POFUT1: variants seen among roughly 807,000 people sequenced by gnomAD.
POFUT1 encodes GDP-fucose protein O-fucosyltransferase 1.
A neutral mutation model predicts 42.4 loss-of-function variants in POFUT1; 16 were observed. That is an observed-to-expected ratio of 0.38 (90% CI 0.26 to 0.57). The LOEUF is 0.57. Among genes scored for constraint, POFUT1 ranks in the 20% least tolerant of loss-of-function variants. The pLI is 0.71. For missense variants in POFUT1, 470 were observed against 504.6 expected (o/e 0.93, Z 0.66); for synonymous variants, 206 against 205.4 (o/e 1.00, Z -0.03).
At position 32,237,614 on chromosome 20, in the gene POFUT1, C is replaced by T. The variant is rs770927967; in HGVS notation, c.*2953C>T. 11 of 307,422 alleles carry T rather than the reference C, an allele frequency of 3.6e-5. No homozygotes were observed. Among genetic ancestry groups the T allele is most frequent in the Admixed American group, 2.0e-4 (5 of 25,450 alleles). 19.0% of individuals were successfully genotyped at this position (307,422 alleles called of 1,614,324 possible). On this transcript the variant is annotated 3_prime_UTR_variant, in exon 7 of 7. Transcript: ENST00000375749. ...GCTGACATTCTGCAGCCTGGACGGCCATGGCAGGAAGCTTTTAGTTGGAGA... is the reference window on the plus strand; with the variant it reads ...GCTGACATTCTGCAGCCTGGACGGCTATGGCAGGAAGCTTTTAGTTGGAGA...
intron 3 of POFUT1, among the ~76,000 whole-genome samples, chr20:32,216,191 A>G (rs962325004): frequency 6.6e-6 from 1 of 152,230 alleles, no homozygotes; most frequent in Non-Finnish European, 1.5e-5. Flanking sequence ...CACAGCCCCA[A>G]CAGTGCCCTT....
chr20:32,216,370 A>G (rs2047360134), intron 3 of POFUT1, among the ~76,000 whole-genome samples: 1 of 152,240 alleles, frequency 6.6e-6, no homozygotes, highest in Non-Finnish European at 1.5e-5. Context: ...CTGCTGGGTC[A>G]GCAGGATGTG....
intron 4 of POFUT1, chr20:32,217,733 T>C (rs1319230715): frequency 3.0e-6 from 3 of 985,286 alleles, no homozygotes; most frequent in Non-Finnish European, 3.6e-6. Context: ...GTCAGTGTTA[T>C]TACTCACATG....
intron 4 of POFUT1, chr20:32,217,159 T>TA (rs2047366472): frequency 1.3e-6 from 2 of 1,528,106 alleles, no homozygotes; most frequent in East Asian, 4.6e-5. Context: ...CCCCTGTTTT[T>TA]AAAAAATATA....
At position 32,230,928 on chromosome 20, in the gene POFUT1, T is replaced by C. The variant is rs749000411; in HGVS notation, c.845T>C (p.Met282Thr). The change falls in exon 6 of 7, where the codon ATG becomes ACG. Residue 282 changes from methionine (M) to threonine (T), a missense_variant. Coordinates refer to ENST00000375749, the MANE Select transcript of POFUT1 (RefSeq NM_015352.2). ...RSTAAPLTMT[M>T]CLPDLKEIQR... ...ACAGCGGCCCCCCTCACGATGACTA[T>C]GTGCCTGCCTGACCTGAAGGAGATC... is the stretch of plus-strand genomic sequence containing the variant. 2 of 1,614,102 alleles carry C rather than the reference T, an allele frequency of 1.2e-6. No homozygotes were observed. Among genetic ancestry groups the C allele is most frequent in the African/African-American group, 2.7e-5 (2 of 74,938 alleles).
rs1272079854 is a variant in POFUT1 at position 32,230,944 on chromosome 20, G to A, written c.861G>A (p.Leu287=). ...CGATGACTATGTGCCTGCCTGACCT[G>A]AAGGAGATCCAGAGGGCTGTGAAGC... ...PLTMTMCLPD[L]KEIQRAVKLW... The change falls in exon 6 of 7, where the codon CTG becomes CTA. Residue 287 remains leucine (L), a synonymous_variant. Transcript: ENST00000375749. 1.2e-6 allele frequency: 2 copies of A among 1,614,216 alleles called. No individual in the cohort carries two copies. Among genetic ancestry groups the A allele is most frequent in the South Asian group, 2.2e-5 (2 of 91,076 alleles).
chr20:32,230,869 G>A lies in POFUT1; in HGVS notation c.786G>A (p.Met262Ile). ...LKDGTAGSHF[M>I]ASPQCVGYSR... ...ACGGGACTGCAGGCTCGCACTTCAT[G>A]GCCTCTCCGCAGTGTGTGGGCTACA... The change falls in exon 6 of 7, where the codon ATG becomes ATA. Residue 262 changes from methionine to isoleucine, a missense_variant. Met to Ile is a conservative substitution (Grantham distance 10). Coordinates refer to ENST00000375749, the MANE Select transcript of POFUT1 (RefSeq NM_015352.2). The A allele has an allele frequency of 6.2e-7, 1 of 1,614,108 alleles. No individual in the cohort carries two copies. Among genetic ancestry groups the A allele is most frequent in the Non-Finnish European group, 8.5e-7 (1 of 1,180,022 alleles).
intron 3 of POFUT1, among the ~76,000 whole-genome samples, chr20:32,216,279 T>G (rs531298458): frequency 1.3e-5 from 2 of 152,310 alleles, no homozygotes; most frequent in Admixed American, 6.5e-5. Flanking sequence ...GGCATTGGAT[T>G]AGCCAATCTT....
At chr20:32,227,227 A>C (rs2047418986) in intron 4 of POFUT1, among the ~76,000 whole-genome samples, 1 of 152,180 alleles carries the variant, frequency 6.6e-6, no homozygotes, top group Non-Finnish European at 1.5e-5. Context: ...TTGTTCAGTC[A>C]AGAAGTATTG....
At chr20:32,223,303 T>C (rs970869616) in intron 4 of POFUT1, 1 of 985,332 alleles carries the variant, frequency 1.0e-6, no homozygotes, top group Non-Finnish European at 1.2e-6. Context: ...CCCCTCATTC[T>C]TTCCAGACAG....
rs191440458 is a variant in POFUT1, at chr20:32,216,582, A to G, written c.430-27A>G. On this transcript the variant is annotated intron_variant, in intron 3 of 6. Coordinates refer to ENST00000375749, the MANE Select transcript of POFUT1 (RefSeq NM_015352.2). Reference sequence around the variant, plus strand: ...CAAATGGCTTTCCCTCCCCATCAGTAAGCCTTCCACCACTCTCTTTCTGCA... The same window carrying G: ...CAAATGGCTTTCCCTCCCCATCAGTGAGCCTTCCACCACTCTCTTTCTGCA... 17 of 1,437,200 alleles carry G rather than the reference A, an allele frequency of 1.2e-5. No individual in the cohort carries two copies. The East Asian group carries it at 3.6e-4, about 31-fold the overall frequency. The allele number at this position is 1,437,200 out of a possible 1,614,324, so 89.0% of individuals were successfully genotyped here. A position where few individuals can be genotyped will look rare whatever the true frequency, so the allele number is the denominator to read the frequency against.
chr20:32,234,746 G>GACAGAGTGAGACTCCGT lies in POFUT1; in HGVS notation c.*85_*86insACAGAGTGAGACTCCGT. Reference sequence around the variant, plus strand: ...CCAGCCAGGCCTGGCAGCCAGAGGTGCTCCGGGATTGCAAACTCCTCTTCT... The same window carrying GACAGAGTGAGACTCCGT: ...CCAGCCAGGCCTGGCAGCCAGAGGTGACAGAGTGAGACTCCGTCTCCGGGATTGCAAACTCCTCTTCT... On this transcript the variant is annotated 3_prime_UTR_variant, in exon 7 of 7. Coordinates refer to ENST00000375749, the MANE Select transcript of POFUT1 (RefSeq NM_015352.2). 1 of 1,270,166 alleles carries GACAGAGTGAGACTCCGT rather than the reference G, an allele frequency of 7.9e-7. No individual in the cohort carries two copies. 78.7% of individuals were successfully genotyped at this position (1,270,166 alleles called of 1,614,324 possible).
At chr20:32,213,350 G>GGAGGCTGAGGCAGAAGAATCGCTT (rs2047340719) in intron 2 of POFUT1, among the ~76,000 whole-genome samples, 1 of 151,684 alleles carries the variant, frequency 6.6e-6, no homozygotes. Flanking sequence ...CAGCTATTCA[G>GGAGGCTGAGGCAGAAGAATCGCTT]GAGGCTGAGG....
In POFUT1 at chr20:32,234,472, G is replaced by A; in HGVS notation, c.979-1G>A. On this transcript the variant is annotated splice_acceptor_variant, in intron 6 of 6. Coordinates refer to ENST00000375749, the MANE Select transcript of POFUT1 (RefSeq NM_015352.2). LOFTEE classifies it high-confidence loss of function. ...TATATGCTCTGTGCTTCTTCCTGCA[G>A]GTGAAGGTGGTGAGCCTGAAGCCTG... 1 of 1,601,466 alleles carries A rather than the reference G, an allele frequency of 6.2e-7. No individual in the cohort carries two copies. Among genetic ancestry groups the A allele is most frequent in the South Asian group, 1.1e-5 (1 of 88,964 alleles).
rs1418076184 is a variant in POFUT1, at chr20:32,237,438, TGAAG to T, written c.*2780_*2783del. On this transcript the variant is annotated 3_prime_UTR_variant, in exon 7 of 7. Transcript: ENST00000375749. ...GTAAGACCTCTCTGAAGAGCTGTCA[TGAAG>T]GAGGGAGGGAGCACATTCCTGGCAG... 1 of 194,632 alleles carries T rather than the reference TGAAG, an allele frequency of 5.1e-6. No individual in the cohort carries two copies. Among genetic ancestry groups the T allele is most frequent in the Non-Finnish European group, 1.1e-5 (1 of 91,384 alleles). 12.1% of individuals were successfully genotyped at this position (194,632 alleles called of 1,614,324 possible).
Position 32,236,341 on chromosome 20 carries a change from A to G in POFUT1, c.*1680A>G, listed in dbSNP as rs1569165612. The G allele has an allele frequency of 6.6e-6, 1 of 151,950 alleles. No individual in the cohort carries two copies. 9.4% of individuals were successfully genotyped at this position (151,950 alleles called of 1,614,324 possible). A position where few individuals can be genotyped will look rare whatever the true frequency, so the allele number is the denominator to read the frequency against. ...CTGGGGCTCCAGTGGGGCCCGCCTAATTTTTTTTCCCCCCAAGACAGGGCC... is the reference window on the plus strand; with the variant it reads ...CTGGGGCTCCAGTGGGGCCCGCCTAGTTTTTTTTCCCCCCAAGACAGGGCC... On this transcript the variant is annotated 3_prime_UTR_variant, in exon 7 of 7. Coordinates refer to ENST00000375749, the MANE Select transcript of POFUT1 (RefSeq NM_015352.2).
chr20:32,225,196 T>A (rs2047408598), intron 4 of POFUT1, among the ~76,000 whole-genome samples: 1 of 152,116 alleles, frequency 6.6e-6, no homozygotes, highest in African/African-American at 2.4e-5. Flanking sequence ...TTTATTTTTA[T>A]TATTATTTTT....
rs1365571262 is a variant in POFUT1 at position 32,235,528 on chromosome 20, C to T, written c.*867C>T. 2 of 152,292 alleles carry T rather than the reference C, an allele frequency of 1.3e-5. No homozygotes were observed. The highest frequency in any genetic ancestry group is 6.5e-5 in the Admixed American group (1 of 15,286). 9.4% of individuals were successfully genotyped at this position (152,292 alleles called of 1,614,324 possible). ...ATTCGGTTGATATCCAAAGCCTGTT[C>T]TCCCAGCCGTCCTCCTGCAGCTGGA... On this transcript the variant is annotated 3_prime_UTR_variant, in exon 7 of 7. Coordinates refer to ENST00000375749, the MANE Select transcript of POFUT1 (RefSeq NM_015352.2).
Position 32,234,662 on chromosome 20 carries a change from T to C in POFUT1, c.*1T>C, listed in dbSNP as rs760860002. The C allele has an allele frequency of 2.5e-6, 4 of 1,601,096 alleles. No individual in the cohort carries two copies. The highest frequency in any genetic ancestry group is 1.7e-5 in the Admixed American group (1 of 58,804). ...CCCTAAGCTGCGGGACGAGTTCTGA[T>C]TCTGGCCGGAGCACCAGACCCTCTG... On this transcript the variant is annotated 3_prime_UTR_variant, in exon 7 of 7. Transcript: ENST00000375749.
Sources: allele counts gnomAD v4.1 joint callset (sites outside exome capture counted in the v4.1 genomes callset), GRCh38; gene constraint gnomAD v4.1.1; transcripts MANE v1.5; gene names NCBI Gene and HGNC (gene_info 2026-07-23, HGNC 2026-07-21).